Variants in ART4 observed in about 807,000 individuals in gnomAD.
ART4 encodes the protein ecto-ADP-ribosyltransferase 4.
ART4 carries 14 observed loss-of-function variants against 24.2 expected under a neutral mutation model. The observed-to-expected ratio is 0.58, with a 90% confidence interval of 0.38 to 0.90. ART4 has a LOEUF of 0.90. ART4 is among the 40% of genes least tolerant of loss of function. The pLI, the probability that ART4 is intolerant of heterozygous loss-of-function variation, is 0.00. For synonymous variants in ART4, 145 were observed against 139.9 expected, an observed-to-expected ratio of 1.04 and a Z score of -0.26; for missense variants, 356 against 366.6, an observed-to-expected ratio of 0.97 and a Z score of 0.24.
chr12:14,837,497 A>G (rs985376107), intron 2 of ART4, among the ~76,000 whole-genome samples: 1 of 152,108 alleles, frequency 6.6e-6, no homozygotes, highest in Non-Finnish European at 1.5e-5. Context: ...ATGCTATAGA[A>G]TATATAAATA....
intron 1 of ART4, among the ~76,000 whole-genome samples, chr12:14,841,507 C>T (rs545050310): frequency 1.3e-5 from 2 of 152,132 alleles, no homozygotes; most frequent in Non-Finnish European, 2.9e-5. Flanking sequence ...CTACTTTCCC[C>T]CCTCTTTCTA....
chr12:14,831,271 A>ATT (rs35715515), intron 2 of ART4, among the ~76,000 whole-genome samples: 13,801 of 133,220 alleles, frequency 0.1, 941 homozygotes, highest in Admixed American at 0.21. Flanking sequence ...TTCCTTCTCC[A>ATT]TTTTTTTTTT....
In ART4 at chr12:14,843,276, T is replaced by C. The variant is rs954888711; in HGVS notation, c.-163A>G. 2.6e-6 allele frequency: 2 copies of C among 755,344 alleles called. No individual in the cohort carries two copies. The highest frequency in any genetic ancestry group is 3.5e-5 in the African/African-American group (2 of 56,392). 46.8% of individuals were successfully genotyped at this position (755,344 alleles called of 1,614,324 possible). A position where few individuals can be genotyped will look rare whatever the true frequency, so the allele number is the denominator to read the frequency against. On this transcript the variant is annotated 5_prime_UTR_variant, in exon 1 of 3. Coordinates refer to ENST00000228936, the MANE Select transcript of ART4 (RefSeq NM_021071.4). ...GCCCACCAACAACCAATAGCTTGTC[T>C]GAGGGAAGAAATCAACTCCGACTTC...
rs868827931 is a variant in ART4 at position 14,830,553 on chromosome 12, G to A, written c.854-1091C>T. 9.0e-3 allele frequency among the ~76,000 whole-genome samples: 1,290 copies of A among 143,362 alleles called. 36 individuals are homozygous for A. Among genetic ancestry groups the A allele is most frequent in the African/African-American group, 0.026 (1,011 of 38,984 alleles). 94.1% of individuals were successfully genotyped at this position (143,362 alleles called of 152,430 possible). ...TATATAGGAGTGTGTGTGTGTGTGT[G>A]TGTGTGTGTGTGTGTGTGTGTGTGT... On this transcript the variant is annotated intron_variant, in intron 2 of 2. Coordinates refer to ENST00000228936, the MANE Select transcript of ART4 (RefSeq NM_021071.4).
intron 1 of ART4, 102 bp downstream of exon 1, chr12:14,842,868 T>C: frequency 7.3e-7 from 1 of 1,361,060 alleles, no homozygotes; most frequent in Non-Finnish European, 9.9e-7. Context: ...TGAAACTAGA[T>C]TCTGAATGCC....
At chr12:14,830,400 G>T (rs1011887480) in intron 2 of ART4, among the ~76,000 whole-genome samples, 51 of 151,616 alleles carry the variant, frequency 3.4e-4, no homozygotes, top group African/African-American at 1.1e-3. Context: ...ATGTTTCTGG[G>T]AGGAAGAGAT....
At chr12:14,830,716 A>AT (rs58269775) in intron 2 of ART4, among the ~76,000 whole-genome samples, 7 of 73,064 alleles carry the variant, frequency 9.6e-5, no homozygotes, top group East Asian at 9.0e-4. Context: ...TTTCTGTCTT[A>AT]TTTTTTTGAG....
intron 2 of ART4, among the ~76,000 whole-genome samples, chr12:14,833,129 G>A (rs1950407366): frequency 6.6e-6 from 1 of 152,092 alleles, no homozygotes; most frequent in Admixed American, 6.6e-5. Context: ...TTGATGGGTT[G>A]TGACATCAGC....
intron 1 of ART4, among the ~76,000 whole-genome samples, chr12:14,842,247 T>C (rs1863062614): frequency 6.6e-6 from 1 of 152,238 alleles, no homozygotes. Flanking sequence ...CAGTACTCAT[T>C]GAGGGACATG....
chr12:14,832,888 T>C (rs938488658), intron 2 of ART4, among the ~76,000 whole-genome samples: 3 of 152,214 alleles, frequency 2.0e-5, no homozygotes, highest in African/African-American at 7.2e-5. Context: ...ATGGCCATTA[T>C]CATTTCTACC....
intron 2 of ART4, among the ~76,000 whole-genome samples, chr12:14,840,027 C>A (rs1340173079): frequency 6.6e-6 from 1 of 152,060 alleles, no homozygotes; most frequent in Non-Finnish European, 1.5e-5. Context: ...TTTCCAGGGC[C>A]CCCATCACAA....
chr12:14,839,611 A>G (rs189983016), intron 2 of ART4, among the ~76,000 whole-genome samples: 134 of 152,322 alleles, frequency 8.8e-4, no homozygotes, highest in South Asian at 2.9e-3. Flanking sequence ...ACCTGCTCAC[A>G]TGACAACAAC....
At chr12:14,839,215 T>A (rs952367833) in intron 2 of ART4, among the ~76,000 whole-genome samples, 1 of 152,212 alleles carries the variant, frequency 6.6e-6, no homozygotes, top group East Asian at 1.9e-4. Context: ...TGAAGCCCCA[T>A]CAGAATTCTC....
intron 2 of ART4, among the ~76,000 whole-genome samples, chr12:14,836,000 A>G (rs1327711501): frequency 6.6e-6 from 1 of 152,158 alleles, no homozygotes; most frequent in Non-Finnish European, 1.5e-5. Flanking sequence ...ATACATTCCA[A>G]GACATTCAGT....
rs1159174356 is a variant in ART4 at position 14,825,859 on chromosome 12, A to G, written c.*3512T>C. On this transcript the variant is annotated 3_prime_UTR_variant, in exon 3 of 3. Transcript: ENST00000228936. Reference sequence around the variant, plus strand: ...GAACACCTTGTTATAAAAATAAAGTATTACATGGGTTGAGTGTTTTTACTT... The same window carrying G: ...GAACACCTTGTTATAAAAATAAAGTGTTACATGGGTTGAGTGTTTTTACTT... 6.6e-6 allele frequency: 1 copy of G among 152,222 alleles called. No individual in the cohort carries two copies. The highest frequency in any genetic ancestry group is 1.9e-4 in the East Asian group (1 of 5,202). 9.4% of individuals were successfully genotyped at this position (152,222 alleles called of 1,614,324 possible).
chr12:14,842,835 C>T (rs1863073379), intron 1 of ART4, 135 bp downstream of exon 1: 1 of 1,138,520 alleles, frequency 8.8e-7, no homozygotes, highest in South Asian at 1.8e-5. Flanking sequence ...TCTTTACTAA[C>T]ATGATTTGTT....
chr12:14,839,523 A>G (rs1227563633), intron 2 of ART4, among the ~76,000 whole-genome samples: 3 of 152,178 alleles, frequency 2.0e-5, no homozygotes, highest in African/African-American at 4.8e-5. Flanking sequence ...GCATGGTGGA[A>G]GAGAAGTTGG....
chr12:14,840,905 A>G lies in ART4; in HGVS notation c.393T>C (p.Asn131=). Residue 131 remains asparagine, a synonymous_variant, in exon 2 of 3, where the codon AAT becomes AAC. Coordinates refer to ENST00000228936, the MANE Select transcript of ART4 (RefSeq NM_021071.4). ...VAILFYTLNS[N]VHSDFTRAMA... ...TGGCTCTAGTAAAGTCAGAATGAAC[A>G]TTGCTGTTCAATGTATAAAACAAAA... is the stretch of plus-strand genomic sequence containing the variant. The G allele has an allele frequency of 6.2e-7, 1 of 1,614,222 alleles. No individual in the cohort carries two copies. The highest frequency in any genetic ancestry group is 8.5e-7 in the Non-Finnish European group (1 of 1,180,028).
chr12:14,831,142 C>T lies in ART4; in HGVS notation c.854-1680G>A, dbSNP rs150334121. 2.2e-3 allele frequency among the ~76,000 whole-genome samples: 339 copies of T among 152,188 alleles called. 8 individuals carry two copies. In the East Asian group the frequency reaches 0.035, roughly 16 times the overall value. On this transcript the variant is annotated intron_variant, in intron 2 of 2. Coordinates refer to ENST00000228936, the MANE Select transcript of ART4 (RefSeq NM_021071.4). ...ATGTAATGTCAATTCTCAGTCCTCA[C>T]TGTATTTGACCTATCAACCATATTT...
Sources: allele counts gnomAD v4.1 joint callset (sites outside exome capture counted in the v4.1 genomes callset), GRCh38; gene constraint gnomAD v4.1.1; transcripts MANE v1.5; gene names NCBI Gene and HGNC (gene_info 2026-07-23, HGNC 2026-07-21).